The following SLC9A3 variants were observed in gnomAD, a reference collection of about 807,000 sequenced individuals.
SLC9A3 encodes the protein solute carrier family 9 member A3.
In SLC9A3, 37 loss-of-function variants were observed where a neutral mutation model predicts 86.8. The observed-to-expected ratio is 0.43, with a 90% CI of 0.33 to 0.56. The LOEUF is 0.56. Among genes scored for constraint, SLC9A3 ranks in the 20% least tolerant of loss-of-function variants. SLC9A3 has a pLI of 0.06. For missense variants in SLC9A3, 1,011 were observed against 1,171.9 expected, an observed-to-expected ratio of 0.86 and a Z score of 2.00; for synonymous variants, 581 against 528.3, an observed-to-expected ratio of 1.10 and a Z score of -1.37.
At chr5:523,854 C>T (rs1733955552) in intron 1 of SLC9A3, among the ~76,000 whole-genome samples, 2 of 152,190 alleles carry the variant, frequency 1.3e-5, no homozygotes, top group African/African-American at 4.8e-5. Flanking sequence ...GGAGACCCCA[C>T]AGGGACCCGG....
At chr5:504,967 G>T (rs116200196) in intron 1 of SLC9A3, among the ~76,000 whole-genome samples, 2,119 of 152,028 alleles carry the variant, frequency 0.014, 58 homozygotes, top group African/African-American at 0.047. Flanking sequence ...GCCACACAGA[G>T]CCCAGTGCTG....
chr5:474,535 GAC>G (rs1560947016), intron 16 of SLC9A3, among the ~76,000 whole-genome samples: 1 of 15,082 alleles, frequency 6.6e-5, no homozygotes, highest in Admixed American at 4.1e-4. Flanking sequence ...GGAGGAGAGA[GAC>G]AGCGCGCGCG....
intron 7 of SLC9A3, 29 bp from the exon 8 acceptor site, chr5:482,186 G>A (rs1243604329): frequency 6.5e-7 from 1 of 1,536,314 alleles, no homozygotes; most frequent in East Asian, 2.3e-5. Flanking sequence ...TGACCCTGGT[G>A]CCAGGCAGCC....
intron 3 of SLC9A3, among the ~76,000 whole-genome samples, chr5:486,035 C>T (rs1389816371): frequency 6.6e-6 from 1 of 152,194 alleles, no homozygotes; most frequent in Non-Finnish European, 1.5e-5. Flanking sequence ...GTCTCACTTC[C>T]CAAATTCCCC....
intron 1 of SLC9A3, 56 bp downstream of exon 1, chr5:524,056 C>T: frequency 7.9e-7 from 1 of 1,264,194 alleles, no homozygotes; most frequent in Non-Finnish European, 1.1e-6. Context: ...CCCCCAGGCC[C>T]AGCAGAGGCG....
At position 488,384 on chromosome 5, in the gene SLC9A3, C is replaced by T. The variant is rs1166317282; in HGVS notation, c.607G>A (p.Val203Ile). Reference sequence around the variant, plus strand: ...ATGAACAGGACCTCGTTGACATGGACCTCCTCAAACACGGCCAGGACGGCC... The same window carrying T: ...ATGAACAGGACCTCGTTGACATGGATCTCCTCAAACACGGCCAGGACGGCC... The part of the protein sequence containing the change: ...PVAVLAVFEE[V>I]HVNEVLFIIV... Residue 203 changes from valine to isoleucine, a missense_variant, in exon 3 of 17, where the codon GTC becomes ATC. Physicochemically the swap from Val to Ile is conservative, Grantham distance 29. Transcript: ENST00000264938. 2 of 1,612,246 alleles carry T rather than the reference C, an allele frequency of 1.2e-6. No homozygotes were observed. Among genetic ancestry groups the T allele is most frequent in the Non-Finnish European group, 1.7e-6 (2 of 1,179,672 alleles).
At chr5:474,697 A>C (rs1327608720) in intron 16 of SLC9A3, among the ~76,000 whole-genome samples, 186 bp downstream of exon 16, 35 of 12,300 alleles carry the variant, frequency 2.8e-3, no homozygotes, top group African/African-American at 7.3e-3. Context: ...GCGGGGAGAG[A>C]GAGAGCGAGC....
At position 491,976 on chromosome 5, in the gene SLC9A3, C is replaced by T. The variant is rs747669825; in HGVS notation, c.307G>A (p.Asp103Asn). 1.1e-5 allele frequency: 17 copies of T among 1,605,514 alleles called. No homozygotes were observed. The highest frequency in any genetic ancestry group is 1.6e-4 in the Middle Eastern group (1 of 6,074). ...LVLGGIVWAA[D>N]HIASFTLTPT... Reference sequence around the variant, plus strand: ...GTCAGTGTGAAGGACGCGATGTGGTCGGCCGCCCAGACGATGCCGCCCAGC... The same window carrying T: ...GTCAGTGTGAAGGACGCGATGTGGTTGGCCGCCCAGACGATGCCGCCCAGC... Residue 103 changes from aspartate to asparagine, a missense_variant, in exon 2 of 17, where the codon GAC becomes AAC. Coordinates refer to ENST00000264938, the MANE Select transcript of SLC9A3 (RefSeq NM_004174.4). This position sits in a 1 kb window ranked among gnomAD's most constrained non-coding sequence, Gnocchi z 9.2.
chr5:488,249 G>A lies in SLC9A3; in HGVS notation c.675+67C>T, dbSNP rs1366275335. ...CGCCCTCCTTTGCTGACTGACCGAT[G>A]GGGGGTGAGACGGGGCCCAGGCCTC... On this transcript the variant is annotated intron_variant, in intron 3 of 16. Coordinates refer to ENST00000264938, the MANE Select transcript of SLC9A3 (RefSeq NM_004174.4). The A allele has an allele frequency of 2.6e-6, 4 of 1,549,434 alleles. No homozygotes were observed. In the East Asian group the frequency reaches 9.1e-5, roughly 35 times the overall value.
Position 484,590 on chromosome 5 carries a change from C to T in SLC9A3, c.862G>A (p.Gly288Ser), listed in dbSNP as rs139989045. Residue 288 changes from glycine (G) to serine (S), a missense_variant, in exon 5 of 17, where the codon GGC becomes AGC. By Grantham distance (56) the Gly-to-Ser change is moderately conservative. Coordinates refer to ENST00000264938, the MANE Select transcript of SLC9A3 (RefSeq NM_004174.4). ...AGGTAGGAGATGATGAACACGAAGC[C>T]GGGCTCGATGATACGCACATGCTTG... ...FTKHVRIIEP[G>S]FVFIISYLSY... 150 of 1,613,232 alleles carry T rather than the reference C, an allele frequency of 9.3e-5. No homozygotes were observed. Among genetic ancestry groups the T allele is most frequent in the African/African-American group, 1.6e-4 (12 of 74,938 alleles).
intron 1 of SLC9A3, among the ~76,000 whole-genome samples, chr5:500,661 A>G (rs1253320248): frequency 7.5e-5 from 4 of 53,594 alleles, no homozygotes; most frequent in Admixed American, 2.5e-4. Flanking sequence ...TGGGGCTAGT[A>G]TGGATGGGGC....
chr5:494,841 A>G (rs4957043), intron 1 of SLC9A3, among the ~76,000 whole-genome samples: 118,176 of 152,132 alleles, frequency 0.78, 46,833 homozygotes, highest in Non-Finnish European at 0.85. Flanking sequence ...AGCCGCTGGC[A>G]AGACCCACCC....
Position 496,490 on chromosome 5 carries a change from C to G in SLC9A3, c.212-4419G>C, listed in dbSNP as rs1047155322. Among the ~76,000 whole-genome samples the G allele has an allele frequency of 4.6e-5, 7 of 152,222 alleles. No individual in the cohort carries two copies. The highest frequency in any genetic ancestry group is 1.0e-4 in the Non-Finnish European group (7 of 68,050). On this transcript the variant is annotated intron_variant, in intron 1 of 16. Coordinates refer to ENST00000264938, the MANE Select transcript of SLC9A3 (RefSeq NM_004174.4). This position sits in a 1 kb window ranked among gnomAD's most constrained non-coding sequence, Gnocchi z 4.7. The stretch of plus-strand genomic sequence containing the variant: ...GGGCACTGATCCTTTCCTATTGACA[C>G]GAGGTTCTTCGTAAGCTGGAAAATC...
Position 483,144 on chromosome 5 carries a change from C to G in SLC9A3, c.1153+118G>C, listed in dbSNP as rs934391708. 6.2e-6 allele frequency: 5 copies of G among 804,426 alleles called. No individual in the cohort carries two copies. The South Asian group carries it at 8.8e-5, about 14-fold the overall frequency. 49.8% of individuals were successfully genotyped at this position (804,426 alleles called of 1,614,324 possible). ...GAGGCCGCCACCATCAGGTCCTCTC[C>G]TCTGCCTTGCACGGGGCTGCACCTC... On this transcript the variant is annotated intron_variant, in intron 6 of 16. Transcript: ENST00000264938.
At chr5:516,170 C>G (rs1733727355) in intron 1 of SLC9A3, among the ~76,000 whole-genome samples, 1 of 150,326 alleles carries the variant, frequency 6.7e-6, no homozygotes, top group African/African-American at 2.5e-5. Flanking sequence ...CTGGCTGCCC[C>G]CTCTGCCCCA....
intron 9 of SLC9A3, chr5:480,768 A>G (rs1739113546): frequency 6.6e-6 from 1 of 152,276 alleles, no homozygotes; most frequent in Non-Finnish European, 1.5e-5. Context: ...CTCCACCCCA[A>G]GCAAACACAG....
chr5:503,467 G>A (rs922892125), intron 1 of SLC9A3, among the ~76,000 whole-genome samples: 14 of 152,332 alleles, frequency 9.2e-5, no homozygotes, highest in African/African-American at 2.9e-4. Context: ...GAGCCTGGGC[G>A]GGTTGAGGCT....
intron 9 of SLC9A3, among the ~76,000 whole-genome samples, chr5:481,261 A>C (rs911731592): frequency 6.6e-6 from 1 of 152,212 alleles, no homozygotes; most frequent in African/African-American, 2.4e-5. Context: ...CTTATTTTCA[A>C]TTCCTACATA....
intron 16 of SLC9A3, among the ~76,000 whole-genome samples, chr5:473,950 G>A (rs1419073950): frequency 3.3e-5 from 5 of 152,238 alleles, no homozygotes; most frequent in Non-Finnish European, 7.3e-5. Flanking sequence ...ACTAGCTTTC[G>A]GAGCCACCTA....
Sources: allele counts gnomAD v4.1 joint callset (sites outside exome capture counted in the v4.1 genomes callset), GRCh38; gene constraint gnomAD v4.1.1; non-coding constraint Gnocchi (gnomAD v3.1); transcripts MANE v1.5; gene names NCBI Gene and HGNC (gene_info 2026-07-23, HGNC 2026-07-21).